The following LHFPL3 variants were observed in gnomAD, a reference collection of about 807,000 sequenced individuals.
The protein encoded by LHFPL3 is LHFPL tetraspan subfamily member 3, also known as LHFPL tetraspan subfamily member 3 protein.
LHFPL3 carries 5 observed loss-of-function variants against 19.3 expected under a neutral mutation model. The ratio of observed to expected loss-of-function variants is 0.26; its 90% confidence interval spans 0.14 to 0.54. The LOEUF (loss-of-function observed/expected upper bound fraction) is 0.54, where lower values mean the gene tolerates loss of function less well. Among genes scored for constraint, LHFPL3 ranks in the 20% least tolerant of loss-of-function variants. The pLI is 0.94. For synonymous variants in LHFPL3, 133 were observed against 126.2 expected (o/e 1.05, Z -0.36); for missense variants, 249 against 307.4 (o/e 0.81, Z 1.42).
At chr7:104,806,228 A>G (rs1790359623) in intron 2 of LHFPL3, among the ~76,000 whole-genome samples, 1 of 152,270 alleles carries the variant, frequency 6.6e-6, no homozygotes, top group Non-Finnish European at 1.5e-5. Context: ...GCCACAAAGC[A>G]TAATGCTTTC....
At chr7:104,395,292 G>C (rs2116481273) in intron 1 of LHFPL3, among the ~76,000 whole-genome samples, 1 of 152,232 alleles carries the variant, frequency 6.6e-6, no homozygotes, top group Non-Finnish European at 1.5e-5. Context: ...CAGTTAAAAA[G>C]GCTGACCTGT....
intron 2 of LHFPL3, among the ~76,000 whole-genome samples, chr7:104,779,326 C>T (rs565794396): frequency 6.6e-6 from 1 of 152,318 alleles, no homozygotes; most frequent in East Asian, 1.9e-4. Flanking sequence ...TTGTCTGTCT[C>T]TTTCACTAGA....
intron 1 of LHFPL3, among the ~76,000 whole-genome samples, chr7:104,529,365 C>T (rs778741431): frequency 6.6e-5 from 10 of 152,126 alleles, no homozygotes; most frequent in Admixed American, 1.3e-4. Context: ...GTCTCCATCA[C>T]GAGGAATTAT....
At chr7:104,373,755 T>C (rs954235781) in intron 1 of LHFPL3, among the ~76,000 whole-genome samples, 1 of 152,178 alleles carries the variant, frequency 6.6e-6, no homozygotes, top group Non-Finnish European at 1.5e-5. Flanking sequence ...GACAGATGTT[T>C]CCTATTCAGA....
intron 2 of LHFPL3, among the ~76,000 whole-genome samples, chr7:104,833,151 A>G (rs1791015952): frequency 1.9e-5 from 2 of 103,454 alleles, no homozygotes; most frequent in African/African-American, 3.9e-5. Flanking sequence ...TCAAGCTTGC[A>G]GACAGCCTAT....
chr7:104,813,692 C>A (rs1361422332), intron 2 of LHFPL3, among the ~76,000 whole-genome samples: 1 of 152,246 alleles, frequency 6.6e-6, no homozygotes. Flanking sequence ...CAGGTGCCAG[C>A]TTTCTATGAG....
chr7:104,686,637 G>A (rs1376376407), intron 1 of LHFPL3, among the ~76,000 whole-genome samples: 2 of 152,068 alleles, frequency 1.3e-5, no homozygotes, highest in African/African-American at 4.8e-5. Flanking sequence ...ATAGGTTGAG[G>A]GCTCAGTCTC....
chr7:104,509,132 T>C (rs1793761420), intron 1 of LHFPL3, among the ~76,000 whole-genome samples: 1 of 151,912 alleles, frequency 6.6e-6, no homozygotes, highest in African/African-American at 2.4e-5. Context: ...TAAGAAATTG[T>C]TAGGCCTAAA....
At chr7:104,344,845 G>A (rs915235954) in intron 1 of LHFPL3, among the ~76,000 whole-genome samples, 5 of 151,486 alleles carry the variant, frequency 3.3e-5, no homozygotes, top group African/African-American at 9.8e-5. Flanking sequence ...GTATTTTCAT[G>A]AGTAAAATTG....
chr7:104,664,372 T>C (rs1453946310), intron 1 of LHFPL3, among the ~76,000 whole-genome samples: 1 of 152,218 alleles, frequency 6.6e-6, no homozygotes, highest in Non-Finnish European at 1.5e-5. Flanking sequence ...TACAAATTTT[T>C]TAATTAAAAA....
intron 2 of LHFPL3, among the ~76,000 whole-genome samples, chr7:104,821,527 G>C (rs1347650775): frequency 6.6e-6 from 1 of 152,198 alleles, no homozygotes; most frequent in Admixed American, 6.5e-5. Flanking sequence ...CTGCTTCTCA[G>C]AGAGAGCCAA....
chr7:104,873,483 GGCGTGCGGTAGCACTACAC>G (rs148326421), intron 2 of LHFPL3, among the ~76,000 whole-genome samples: 13,485 of 152,122 alleles, frequency 0.089, 1,289 homozygotes, highest in East Asian at 0.43. Context: ...AAATTAGCCA[GGCGTGCGGTAGCACTACAC>G]CGGTTATCCT....
At chr7:104,638,719 C>A (rs941215840) in intron 1 of LHFPL3, among the ~76,000 whole-genome samples, 13 of 151,096 alleles carry the variant, frequency 8.6e-5, no homozygotes, top group Admixed American at 4.6e-4. Context: ...GTTGAACCAA[C>A]CTTGCATCCC....
intron 1 of LHFPL3, among the ~76,000 whole-genome samples, chr7:104,587,772 C>T (rs1790611411): frequency 6.6e-6 from 1 of 151,478 alleles, no homozygotes; most frequent in South Asian, 2.1e-4. Flanking sequence ...CACATCCTCT[C>T]CAGCACCTGT....
At chr7:104,514,999 A>G (rs1201962352) in intron 1 of LHFPL3, among the ~76,000 whole-genome samples, 2 of 152,154 alleles carry the variant, frequency 1.3e-5, no homozygotes, top group Admixed American at 6.6e-5. Context: ...AAAGTCAAAG[A>G]TATTTGCAAC....
intron 1 of LHFPL3, among the ~76,000 whole-genome samples, chr7:104,615,344 C>T (rs1332484000): frequency 6.6e-6 from 1 of 152,288 alleles, no homozygotes; most frequent in East Asian, 1.9e-4. Flanking sequence ...AAAGCATTAA[C>T]AATCGCTCCA....
At chr7:104,486,888 A>G (rs1348008543) in intron 1 of LHFPL3, among the ~76,000 whole-genome samples, 3 of 151,544 alleles carry the variant, frequency 2.0e-5, no homozygotes. Context: ...ATGTCTATGA[A>G]TTTTCCACTT....
chr7:104,458,232 G>A (rs1011099006), intron 1 of LHFPL3, among the ~76,000 whole-genome samples: 276 of 151,918 alleles, frequency 1.8e-3, no homozygotes, highest in African/African-American at 6.2e-3. Context: ...TTTCTTCTAG[G>A]GTTTTTATGG....
chr7:104,434,189 A>G (rs1029419164), intron 1 of LHFPL3, among the ~76,000 whole-genome samples: 1 of 152,218 alleles, frequency 6.6e-6, no homozygotes, highest in African/African-American at 2.4e-5. Context: ...ACTCCCCTTG[A>G]TTGGATCCAC....
Sources: gnomAD v4.1 joint callset for allele counts (sites outside exome capture counted in the v4.1 genomes callset) on GRCh38, gnomAD v4.1.1 for gene constraint, MANE v1.5 for transcripts, NCBI Gene and HGNC (gene_info 2026-07-23, HGNC 2026-07-21) for gene names.